SNX24: variants seen among roughly 807,000 people sequenced by gnomAD.
SNX24 encodes sorting nexin 24.
Under a neutral mutation model 28.7 loss-of-function variants are expected in SNX24, and 22 were observed. That is an observed-to-expected ratio of 0.77 (90% CI 0.55 to 1.10). The LOEUF (loss-of-function observed/expected upper bound fraction) is 1.10, where lower values mean the gene tolerates loss of function less well. Among genes scored for constraint, SNX24 ranks in the 50% least tolerant of loss-of-function variants. The pLI, the probability that SNX24 is intolerant of heterozygous loss-of-function variation, is 0.00. For synonymous variants in SNX24, 69 were observed against 71.5 expected (o/e 0.96, Z 0.18); for missense variants, 221 against 201.1 (o/e 1.10, Z -0.60).
chr5:122,862,685 G>T (rs1338610167), intron 1 of SNX24, among the ~76,000 whole-genome samples: 2 of 143,286 alleles, frequency 1.4e-5, no homozygotes, highest in Non-Finnish European at 3.1e-5. Context: ...AACAAGGCAT[G>T]TTTTTTTTTT....
chr5:122,953,429 C>T (rs1760054806), intron 3 of SNX24, among the ~76,000 whole-genome samples: 1 of 151,988 alleles, frequency 6.6e-6, no homozygotes, highest in Admixed American at 6.6e-5. Flanking sequence ...AGGAAAGGTG[C>T]TCCGAGGATA....
intron 4 of SNX24, 24 bp downstream of exon 4, chr5:123,000,030 G>C: frequency 2.8e-6 from 4 of 1,422,046 alleles, no homozygotes; most frequent in Non-Finnish European, 4.0e-6. Context: ...TTGCATATTG[G>C]ATGTGTATTT....
rs767537426 is a variant in SNX24, at chr5:122,936,761, G to A, written c.88G>A (p.Gly30Arg). The A allele has an allele frequency of 9.4e-6, 15 of 1,603,674 alleles. No individual in the cohort carries two copies. Among genetic ancestry groups the A allele is most frequent in the Non-Finnish European group, 1.3e-5 (15 of 1,172,290 alleles). Residue 30 changes from glycine (G) to arginine (R), a missense_variant, in exon 2 of 7, where the codon GGA becomes AGA. Gly to Arg is a moderately radical substitution (Grantham distance 125). Transcript: ENST00000261369. ...TVFKIEVLMNGRKHFVEKRYS... is the reference protein window; with the variant it reads ...TVFKIEVLMNRRKHFVEKRYS... ...GTTTAAGATAGAAGTGCTAATGAAT[G>A]GAAGAAAACATTTTGTTGAAAAGAG...
intron 5 of SNX24, among the ~76,000 whole-genome samples, chr5:123,020,767 TG>T (rs2150186937): frequency 1.7e-4 from 1 of 6,052 alleles, no homozygotes; most frequent in Admixed American, 1.1e-3. Context: ...AAATGATGTT[TG>T]TTTTCGGAAC....
At chr5:122,912,757 A>G (rs1161554843) in intron 1 of SNX24, among the ~76,000 whole-genome samples, 5 of 132,520 alleles carry the variant, frequency 3.8e-5, no homozygotes, top group African/African-American at 1.4e-4. Flanking sequence ...TTTTTAATTG[A>G]TCATTCTTGG....
At chr5:122,910,606 T>C (rs1757839007) in intron 1 of SNX24, among the ~76,000 whole-genome samples, 3 of 140,936 alleles carry the variant, frequency 2.1e-5, no homozygotes, top group Admixed American at 1.4e-4. Flanking sequence ...CTCCTAATGC[T>C]ATCCCTCCCC....
Position 122,969,788 on chromosome 5 carries a change from C to T in SNX24, c.249+23629C>T, listed in dbSNP as rs367959950. 2.0e-5 allele frequency among the ~76,000 whole-genome samples: 3 copies of T among 152,152 alleles called. No homozygotes were observed. The East Asian group carries it at 5.8e-4, about 30-fold the overall frequency. ...TGGATCCCTCTTGCCCCAGTGAGAC[C>T]TTCTTTATATTCCACATCCATTACC... On this transcript the variant is annotated intron_variant, in intron 3 of 6. Transcript: ENST00000261369.
At chr5:123,012,423 A>G (rs1762602879), downstream of SNX24, among the ~76,000 whole-genome samples, 1 of 152,344 alleles carries the variant, frequency 6.6e-6, no homozygotes. Flanking sequence ...CAAATACTGT[A>G]TGATTCCATT....
At chr5:122,914,121 C>G (rs768135627) in intron 1 of SNX24, among the ~76,000 whole-genome samples, 1 of 151,894 alleles carries the variant, frequency 6.6e-6, no homozygotes, top group Admixed American at 6.6e-5. Context: ...AGAGGGAGAC[C>G]GTGGGGAGAG....
intron 3 of SNX24, among the ~76,000 whole-genome samples, chr5:122,969,292 G>A (rs1380109975): frequency 6.6e-6 from 1 of 152,108 alleles, no homozygotes; most frequent in African/African-American, 2.4e-5. Context: ...TAGATGAAGG[G>A]CCTCACTTCC....
chr5:122,931,945 GTTTAT>G (rs1386945072), intron 1 of SNX24, among the ~76,000 whole-genome samples: 3 of 151,632 alleles, frequency 2.0e-5, no homozygotes, highest in African/African-American at 4.8e-5. Flanking sequence ...CTTAGCTTAA[GTTTAT>G]TTTATTTATT....
chr5:122,949,143 G>A (rs1659553189), intron 3 of SNX24, among the ~76,000 whole-genome samples: 1 of 152,130 alleles, frequency 6.6e-6, no homozygotes, highest in Admixed American at 6.6e-5. Context: ...AACCCAACCT[G>A]TTTTGGCATC....
At chr5:122,907,954 T>G (rs535406865) in intron 1 of SNX24, among the ~76,000 whole-genome samples, 34 of 152,124 alleles carry the variant, frequency 2.2e-4, no homozygotes, top group Non-Finnish European at 4.1e-4. Context: ...GATTGAGACT[T>G]CAGTGTCTTC....
chr5:122,899,690 C>T (rs560909719), intron 1 of SNX24, among the ~76,000 whole-genome samples: 3 of 152,112 alleles, frequency 2.0e-5, no homozygotes, highest in East Asian at 1.9e-4. Context: ...ATTACAGGCG[C>T]GAGGCACTGT....
intron 3 of SNX24, among the ~76,000 whole-genome samples, chr5:122,993,297 CTTTT>C (rs34422739): frequency 2.6e-5 from 3 of 114,212 alleles, no homozygotes; most frequent in Non-Finnish European, 3.6e-5. Context: ...TAGTGGCTGC[CTTTT>C]TTTTTTTTTT....
intron 3 of SNX24, among the ~76,000 whole-genome samples, chr5:122,972,318 G>A (rs1440135892): frequency 6.6e-6 from 1 of 152,196 alleles, no homozygotes; most frequent in Non-Finnish European, 1.5e-5. Flanking sequence ...CACTAGGGGT[G>A]ATGGTAAATG....
intron 3 of SNX24, among the ~76,000 whole-genome samples, chr5:122,950,161 A>G (rs1759876961): frequency 6.6e-6 from 1 of 152,246 alleles, no homozygotes; most frequent in African/African-American, 2.4e-5. Flanking sequence ...GTTGGTTTTC[A>G]TCTCAGTAAA....
At chr5:122,888,298 G>A (rs1348582729) in intron 1 of SNX24, among the ~76,000 whole-genome samples, 1 of 152,128 alleles carries the variant, frequency 6.6e-6, no homozygotes, top group Non-Finnish European at 1.5e-5. Flanking sequence ...TTCAGGCCAG[G>A]TTCCTATCCG....
intron 5 of SNX24, among the ~76,000 whole-genome samples, chr5:123,019,706 G>C (rs1337005402): frequency 6.6e-6 from 1 of 152,214 alleles, no homozygotes; most frequent in African/African-American, 2.4e-5. Flanking sequence ...GGGCTTGGTG[G>C]TGGTGTCCAG....
Sources: gnomAD v4.1 joint callset for allele counts (sites outside exome capture counted in the v4.1 genomes callset) on GRCh38, gnomAD v4.1.1 for gene constraint, MANE v1.5 for transcripts, NCBI Gene and HGNC (gene_info 2026-07-23, HGNC 2026-07-21) for gene names.